Variants in NFE2L2 observed in about 807,000 individuals in gnomAD.
The protein encoded by NFE2L2 is nuclear factor erythroid 2-related factor 2.
NFE2L2 carries 20 observed loss-of-function variants against 49.6 expected under a neutral mutation model. The ratio of observed to expected loss-of-function variants is 0.40; its 90% CI spans 0.28 to 0.59. The LOEUF (loss-of-function observed/expected upper bound fraction) is 0.59, where lower values mean the gene tolerates loss of function less well. NFE2L2 is among the 20% of genes least tolerant of loss of function. The pLI, the probability that NFE2L2 is intolerant of heterozygous loss-of-function variation, is 0.40. For synonymous variants in NFE2L2, 244 were observed against 256.5 expected, an observed-to-expected ratio of 0.95 and a Z score of 0.47; for missense variants, 578 against 714.2, an observed-to-expected ratio of 0.81 and a Z score of 2.17.
rs773329240 is a variant in NFE2L2, at chr2:177,232,473, C to G, written c.513G>C (p.Gln171His). ...QAQSPETSVA[Q>H]VAPVDLDGMQ... is the part of the protein sequence containing the mutation. ...TACCGTCTAAATCAACAGGGGCTAC[C>G]TGAGCAACAGAAGTTTCAGGTGACT... Residue 171 changes from glutamine to histidine, a missense_variant, in exon 4 of 5, where the codon CAG becomes CAC. Coordinates refer to ENST00000397062, the MANE Select transcript of NFE2L2 (RefSeq NM_006164.5). 6.2e-7 allele frequency: 1 copy of G among 1,613,968 alleles called. No individual in the cohort carries two copies. Among genetic ancestry groups the G allele is most frequent in the African/African-American group, 1.3e-5 (1 of 74,916 alleles).
At chr2:177,264,498 C>T (rs562604629) in intron 1 of NFE2L2, 34 bp downstream of exon 1, 2 of 1,518,330 alleles carry the variant, frequency 1.3e-6, no homozygotes. Context: ...CCCGTCCCGG[C>T]ACCACCGCAG....
intron 1 of NFE2L2, among the ~76,000 whole-genome samples, chr2:177,235,473 AG>A (rs1689716038): frequency 6.6e-6 from 1 of 152,152 alleles, no homozygotes; most frequent in Admixed American, 6.5e-5. Context: ...CTATGGCTCC[AG>A]GGAAGGATTA....
chr2:177,259,856 C>T (rs1690665386), intron 1 of NFE2L2, among the ~76,000 whole-genome samples: 1 of 151,906 alleles, frequency 6.6e-6, no homozygotes, highest in African/African-American at 2.4e-5. Context: ...GGCGTGAACC[C>T]GGGAGGTGGA....
chr2:177,249,961 C>CT (rs1690274705), intron 1 of NFE2L2, among the ~76,000 whole-genome samples: 2 of 152,202 alleles, frequency 1.3e-5, no homozygotes, highest in African/African-American at 4.8e-5. Context: ...TTAGGGGTGA[C>CT]TTTGACGGAA....
At chr2:177,252,205 T>C (rs927016447) in intron 1 of NFE2L2, among the ~76,000 whole-genome samples, 4 of 152,024 alleles carry the variant, frequency 2.6e-5, no homozygotes, top group Non-Finnish European at 5.9e-5. Flanking sequence ...TGACATAACC[T>C]CTCTTTGCCT....
intron 1 of NFE2L2, among the ~76,000 whole-genome samples, chr2:177,262,094 G>C (rs968616151): frequency 6.6e-6 from 1 of 152,180 alleles, no homozygotes; most frequent in African/African-American, 2.4e-5. Flanking sequence ...TATTTTTAAT[G>C]CGTAAAAGAC....
rs1010790476 is a variant in NFE2L2, at chr2:177,263,789, G to A, written c.45+743C>T. The A allele has an allele frequency of 5.1e-6, 5 of 985,364 alleles. No individual in the cohort carries two copies. The Admixed American group carries it at 1.8e-4, about 36-fold the overall frequency. The allele number at this position is 985,364 out of a possible 1,614,324, so 61.0% of individuals were successfully genotyped here. ...GGTGCCCGAGCCCGAACCCCTCCCC[G>A]GCCGAGAAAGTGCGCGGGGCCCGGC... On this transcript the variant is annotated intron_variant, in intron 1 of 4. Coordinates refer to ENST00000397062, the MANE Select transcript of NFE2L2 (RefSeq NM_006164.5).
intron 1 of NFE2L2, among the ~76,000 whole-genome samples, chr2:177,237,794 C>T (rs906115352): frequency 6.6e-6 from 1 of 152,212 alleles, no homozygotes; most frequent in Non-Finnish European, 1.5e-5. Flanking sequence ...GCTGGGATTA[C>T]AGGTGTGAGC....
At chr2:177,246,985 A>G (rs1690154750) in intron 1 of NFE2L2, among the ~76,000 whole-genome samples, 1 of 152,166 alleles carries the variant, frequency 6.6e-6, no homozygotes, top group Non-Finnish European at 1.5e-5. Flanking sequence ...TTATTTAATC[A>G]GTCCCCCATC....
At chr2:177,254,287 C>G (rs1475152390) in intron 1 of NFE2L2, among the ~76,000 whole-genome samples, 6 of 152,180 alleles carry the variant, frequency 3.9e-5, no homozygotes, top group Non-Finnish European at 8.8e-5. Flanking sequence ...CCAGACTCTA[C>G]CTTTGTGGCA....
chr2:177,241,939 C>A (rs1254433146), intron 1 of NFE2L2, among the ~76,000 whole-genome samples: 1 of 152,190 alleles, frequency 6.6e-6, no homozygotes, highest in East Asian at 1.9e-4. Flanking sequence ...CAAAATGACA[C>A]CAAGCAGATG....
chr2:177,255,988 G>C (rs1235274433), intron 1 of NFE2L2: 1 of 154,540 alleles, frequency 6.5e-6, no homozygotes, highest in Non-Finnish European at 1.5e-5. Flanking sequence ...AGGAAAATGA[G>C]AGTTTTTTAC....
At chr2:177,262,554 C>A (rs1690778228) in intron 1 of NFE2L2, among the ~76,000 whole-genome samples, 1 of 152,200 alleles carries the variant, frequency 6.6e-6, no homozygotes, top group Non-Finnish European at 1.5e-5. Flanking sequence ...TAAACAAAAT[C>A]AATTCTAAAT....
chr2:177,263,945 GC>G, intron 1 of NFE2L2: 1 of 985,724 alleles, frequency 1.0e-6, no homozygotes, highest in Non-Finnish European at 1.2e-6. Context: ...ACTTCGCAAA[GC>G]CGCGCCCACA....
intron 1 of NFE2L2, among the ~76,000 whole-genome samples, chr2:177,247,388 G>T (rs1482251204): frequency 6.6e-6 from 1 of 152,144 alleles, no homozygotes; most frequent in Non-Finnish European, 1.5e-5. Context: ...AAGGCCGGGC[G>T]CCGTGGCTCA....
intron 1 of NFE2L2, among the ~76,000 whole-genome samples, chr2:177,260,306 T>TG (rs1175245795): frequency 2.6e-5 from 4 of 152,246 alleles, no homozygotes; most frequent in Non-Finnish European, 5.9e-5. Context: ...AGAAAGTGGC[T>TG]GGACCAAGCA....
chr2:177,255,517 C>T (rs1475262413), intron 1 of NFE2L2, among the ~76,000 whole-genome samples: 1 of 152,172 alleles, frequency 6.6e-6, no homozygotes, highest in African/African-American at 2.4e-5. Flanking sequence ...GGCACTGCAG[C>T]TGACACAAAG....
intron 1 of NFE2L2, among the ~76,000 whole-genome samples, chr2:177,246,774 CTTTTTT>C (rs56311819): frequency 0.044 from 5,140 of 117,524 alleles, 324 homozygotes; most frequent in African/African-American, 0.15. Context: ...TAATATTTTA[CTTTTTT>C]TTTTTTTTTT....
intron 1 of NFE2L2, among the ~76,000 whole-genome samples, chr2:177,237,292 A>G (rs1011660735): frequency 6.6e-6 from 1 of 152,234 alleles, no homozygotes; most frequent in African/African-American, 2.4e-5. Context: ...TGCAGGTCAG[A>G]TTAAGTCTGT....
Sources: gnomAD v4.1 joint callset for allele counts (sites outside exome capture counted in the v4.1 genomes callset) on GRCh38, gnomAD v4.1.1 for gene constraint, MANE v1.5 for transcripts, NCBI Gene and HGNC (gene_info 2026-07-23, HGNC 2026-07-21) for gene names.